PPP2R2C: variants seen among roughly 807,000 people sequenced by gnomAD.
PPP2R2C encodes the protein protein phosphatase 2 regulatory subunit Bgamma.
Under a neutral mutation model 45.3 loss-of-function variants are expected in PPP2R2C, and 10 were observed. The observed-to-expected ratio is 0.22, with a 90% CI of 0.14 to 0.37. The LOEUF (loss-of-function observed/expected upper bound fraction) is 0.37. Ranked by LOEUF, PPP2R2C falls within the 10% of genes least tolerant of loss-of-function variation. The pLI, the probability that PPP2R2C is intolerant of heterozygous loss-of-function variation, is 1.00. For synonymous variants in PPP2R2C, 257 were observed against 245.4 expected (o/e 1.05, Z -0.44); for missense variants, 308 against 619.7 (o/e 0.50, Z 5.34).
chr4:6,344,900 C>A (rs1236060889), intron 6 of PPP2R2C, among the ~76,000 whole-genome samples: 1 of 152,176 alleles, frequency 6.6e-6, no homozygotes, highest in Non-Finnish European at 1.5e-5. Flanking sequence ...ACATCATTTT[C>A]TCGGCATTTT....
In PPP2R2C at chr4:6,323,537, T is replaced by C; in HGVS notation, c.1109A>G (p.Lys370Arg). 6.3e-7 allele frequency: 1 copy of C among 1,593,248 alleles called. No individual in the cohort carries two copies. The highest frequency in any genetic ancestry group is 8.6e-7 in the Non-Finnish European group (1 of 1,163,438). Residue 370 changes from lysine to arginine, a missense_variant, in exon 9 of 9, where the codon AAG becomes AGG. Physicochemically the swap from Lys to Arg is conservative, Grantham distance 26 (BLOSUM62 2). Coordinates refer to ENST00000382599, the MANE Select transcript of PPP2R2C (RefSeq NM_020416.4). ...CGAGGCCTCCAGGGTCACGTCCCGC[T>C]TGGTGTTCCGATCGAACATGCGGAA... is the stretch of plus-strand genomic sequence containing the variant. ...NFFRMFDRNT[K>R]RDVTLEASRE...
intron 1 of PPP2R2C, among the ~76,000 whole-genome samples, chr4:6,389,965 TGAAG>T (rs1319094336): frequency 6.6e-6 from 1 of 151,822 alleles, no homozygotes; most frequent in Non-Finnish European, 1.5e-5. Flanking sequence ...GAGGAGTTGG[TGAAG>T]GAGAAAGCAG....
chr4:6,485,557 G>A (rs976035661), intron 2 of PPP2R2C, among the ~76,000 whole-genome samples: 8 of 151,822 alleles, frequency 5.3e-5, no homozygotes, highest in Admixed American at 3.3e-4. Flanking sequence ...ATAGTTATAG[G>A]ACTACTCAGG....
chr4:6,500,209 G>A (rs1015743695), intron 2 of PPP2R2C, among the ~76,000 whole-genome samples: 1 of 152,132 alleles, frequency 6.6e-6, no homozygotes, highest in South Asian at 2.1e-4. Context: ...GTGTAATGGC[G>A]TGATCTCGGC....
chr4:6,487,381 T>C (rs920106835), intron 2 of PPP2R2C, among the ~76,000 whole-genome samples: 1 of 151,956 alleles, frequency 6.6e-6, no homozygotes, highest in Non-Finnish European at 1.5e-5. Flanking sequence ...TTAACATTTC[T>C]TGTACTACAG....
chr4:6,495,613 G>C (rs1184606803), intron 2 of PPP2R2C, among the ~76,000 whole-genome samples: 1 of 152,234 alleles, frequency 6.6e-6, no homozygotes, highest in Admixed American at 6.5e-5. Flanking sequence ...GAGGGTGACA[G>C]TGAGGTGAGG....
At chr4:6,418,720 T>C (rs1718767752) in intron 1 of PPP2R2C, among the ~76,000 whole-genome samples, 1 of 152,208 alleles carries the variant, frequency 6.6e-6, no homozygotes, top group South Asian at 2.1e-4. Context: ...GTCATGGAAG[T>C]CACTGCTAGG....
chr4:6,517,378 T>C (rs1024720870), intron 2 of PPP2R2C, among the ~76,000 whole-genome samples: 15 of 152,184 alleles, frequency 9.9e-5, no homozygotes, highest in Non-Finnish European at 2.1e-4. Context: ...AGCCCAGGCA[T>C]GTTACCTAGC....
intron 5 of PPP2R2C, among the ~76,000 whole-genome samples, chr4:6,362,124 A>G (rs563784489): frequency 2.6e-5 from 4 of 152,002 alleles, no homozygotes; most frequent in Admixed American, 1.3e-4. Flanking sequence ...GGAGGCAGAG[A>G]GGGTGAGAGC....
chr4:6,450,741 C>A (rs1720695243), intron 1 of PPP2R2C, among the ~76,000 whole-genome samples: 1 of 152,170 alleles, frequency 6.6e-6, no homozygotes, highest in African/African-American at 2.4e-5. Flanking sequence ...AGAGGTGAAA[C>A]CCCCATTTCA....
At chr4:6,384,400 G>C (rs1716074767) in intron 1 of PPP2R2C, 1 of 985,002 alleles carries the variant, frequency 1.0e-6, no homozygotes, top group Non-Finnish European at 1.2e-6. Flanking sequence ...AACGGAGGTA[G>C]CTTTAGGGTA....
At chr4:6,533,080 A>G (rs953769682) in intron 2 of PPP2R2C, among the ~76,000 whole-genome samples, 8 of 152,208 alleles carry the variant, frequency 5.3e-5, no homozygotes, top group Non-Finnish European at 1.0e-4. Flanking sequence ...ATGACACAGA[A>G]TTCGGAAAGG....
At chr4:6,428,237 C>T (rs1417303956) in intron 1 of PPP2R2C, among the ~76,000 whole-genome samples, 1 of 152,238 alleles carries the variant, frequency 6.6e-6, no homozygotes, top group African/African-American at 2.4e-5. Flanking sequence ...AGGAGGGTCT[C>T]ATGCCCTCTA....
At chr4:6,455,480 T>G (rs933045042) in intron 1 of PPP2R2C, among the ~76,000 whole-genome samples, 2 of 152,010 alleles carry the variant, frequency 1.3e-5, no homozygotes, top group African/African-American at 4.8e-5. Flanking sequence ...CAAACACCAT[T>G]CAAGGAGACC....
intron 6 of PPP2R2C, among the ~76,000 whole-genome samples, chr4:6,342,096 AC>A (rs1323578944): frequency 7.1e-6 from 1 of 140,044 alleles, no homozygotes. Context: ...ACACACACAC[AC>A]ACACACACAC....
intron 1 of PPP2R2C, among the ~76,000 whole-genome samples, chr4:6,460,936 T>TC (rs1175712186): frequency 1.3e-5 from 2 of 151,992 alleles, no homozygotes; most frequent in South Asian, 2.1e-4. Flanking sequence ...CCCATCCCGC[T>TC]CCAGCTCCTC....
chr4:6,477,279 G>A (rs116585618), upstream of PPP2R2C, among the ~76,000 whole-genome samples: 2,888 of 152,208 alleles, frequency 0.019, 49 homozygotes, highest in Non-Finnish European at 0.032. Context: ...CTGAGTGATA[G>A]GGTCTGTTTG....
At chr4:6,403,073 G>T (rs968391458) in intron 1 of PPP2R2C, among the ~76,000 whole-genome samples, 4 of 152,240 alleles carry the variant, frequency 2.6e-5, no homozygotes, top group Non-Finnish European at 5.9e-5. Context: ...GCCAGAAGGG[G>T]CCACTTTGGG....
intron 1 of PPP2R2C, among the ~76,000 whole-genome samples, chr4:6,541,019 C>T (rs1264388334): frequency 1.3e-5 from 2 of 152,300 alleles, no homozygotes; most frequent in South Asian, 2.1e-4. Context: ...TTCATGATTA[C>T]AAAATGGCTG....
Sources: allele counts gnomAD v4.1 joint callset (sites outside exome capture counted in the v4.1 genomes callset), GRCh38; gene constraint gnomAD v4.1.1; transcripts MANE v1.5; gene names NCBI Gene and HGNC (gene_info 2026-07-23, HGNC 2026-07-21).